The following DPP10 variants were observed in gnomAD, a reference collection of about 807,000 sequenced individuals.
The protein encoded by DPP10 is dipeptidyl peptidase like 10.
A neutral mutation model predicts 120.9 loss-of-function variants in DPP10; 33 were observed. The observed-to-expected ratio is 0.27, with a 90% confidence interval of 0.21 to 0.37. DPP10 has a LOEUF of 0.37. Ranked by LOEUF, DPP10 falls within the 10% of genes least tolerant of loss-of-function variation. DPP10 has a pLI of 1.00. For synonymous variants in DPP10, 337 were observed against 326.1 expected (o/e 1.03, Z -0.36); for missense variants, 816 against 942.8 (o/e 0.87, Z 1.76).
intron 1 of DPP10, among the ~76,000 whole-genome samples, chr2:115,151,197 T>G (rs563138107): frequency 6.6e-6 from 1 of 152,246 alleles, no homozygotes; most frequent in African/African-American, 2.4e-5. Flanking sequence ...TTTTTCTCTC[T>G]AAGATAAAGT....
intron 1 of DPP10, among the ~76,000 whole-genome samples, chr2:115,153,118 G>A (rs1411803961): frequency 6.6e-6 from 1 of 152,066 alleles, no homozygotes; most frequent in African/African-American, 2.4e-5. Flanking sequence ...TGTTCCAGAG[G>A]AAGACATTAT....
chr2:115,411,862 G>A (rs1343610689), intron 3 of DPP10, among the ~76,000 whole-genome samples: 1 of 152,154 alleles, frequency 6.6e-6, no homozygotes, highest in South Asian at 2.1e-4. Flanking sequence ...TATGCTGTGT[G>A]GGGGTGGATG....
At chr2:114,609,106 C>T (rs985454544) in intron 1 of DPP10, among the ~76,000 whole-genome samples, 4 of 151,812 alleles carry the variant, frequency 2.6e-5, no homozygotes, top group Admixed American at 6.6e-5. Context: ...TTTGATGAAC[C>T]GTCACTTTCA....
At chr2:115,260,367 CTACTTTT>C (rs1472091352) in intron 1 of DPP10, among the ~76,000 whole-genome samples, 1 of 151,940 alleles carries the variant, frequency 6.6e-6, no homozygotes, top group African/African-American at 2.4e-5. Flanking sequence ...TTTTTGTGTG[CTACTTTT>C]TACTATTCCT....
intron 4 of DPP10, among the ~76,000 whole-genome samples, chr2:115,511,467 C>T (rs2077219738): frequency 6.6e-6 from 1 of 151,774 alleles, no homozygotes; most frequent in African/African-American, 2.4e-5. Context: ...TTTTCTCATC[C>T]ATCTATCTAG....
At chr2:114,900,283 TG>T (rs1225647175) in intron 1 of DPP10, among the ~76,000 whole-genome samples, 2 of 152,250 alleles carry the variant, frequency 1.3e-5, no homozygotes, top group African/African-American at 4.8e-5. Context: ...AGTGGTCATG[TG>T]CACATCTGCT....
At chr2:115,516,577 T>G (rs372795162) in intron 4 of DPP10, among the ~76,000 whole-genome samples, 7 of 146,298 alleles carry the variant, frequency 4.8e-5, no homozygotes, top group African/African-American at 1.6e-4. Flanking sequence ...ATTCTTTGTT[T>G]TTTTTTTTTT....
intron 1 of DPP10, among the ~76,000 whole-genome samples, chr2:115,252,020 T>G (rs779618302): frequency 6.6e-6 from 1 of 152,160 alleles, no homozygotes; most frequent in African/African-American, 2.4e-5. Context: ...TGCCTATCAG[T>G]TTTGTATTCT....
At chr2:115,770,296 C>G (rs1192108994) in intron 13 of DPP10, among the ~76,000 whole-genome samples, 2 of 152,022 alleles carry the variant, frequency 1.3e-5, no homozygotes, top group Non-Finnish European at 2.9e-5. Flanking sequence ...CCTTCTGTTT[C>G]TCAGTCAAAC....
At chr2:114,559,373 C>T (rs868859803) in intron 1 of DPP10, among the ~76,000 whole-genome samples, 1 of 152,106 alleles carries the variant, frequency 6.6e-6, no homozygotes, top group Non-Finnish European at 1.5e-5. Context: ...TGAACAACCC[C>T]TAGAAGTCAG....
intron 3 of DPP10, among the ~76,000 whole-genome samples, chr2:115,349,877 A>G (rs575418830): frequency 6.6e-4 from 100 of 152,178 alleles, no homozygotes; most frequent in Admixed American, 2.4e-3. Flanking sequence ...CTCCAAAGAC[A>G]TCATTACCCT....
intron 5 of DPP10, among the ~76,000 whole-genome samples, chr2:115,653,367 T>C (rs1466291031): frequency 6.6e-6 from 1 of 151,970 alleles, no homozygotes; most frequent in Non-Finnish European, 1.5e-5. Context: ...AACGCTAGCA[T>C]TTTATATTTT....
chr2:115,670,159 C>A (rs956472586), intron 5 of DPP10, among the ~76,000 whole-genome samples: 2 of 151,976 alleles, frequency 1.3e-5, no homozygotes, highest in Non-Finnish European at 2.9e-5. Context: ...CTTATAAGGG[C>A]ACTAATCCCA....
intron 1 of DPP10, among the ~76,000 whole-genome samples, chr2:115,211,406 A>G (rs1225954383): frequency 6.6e-6 from 1 of 152,152 alleles, no homozygotes; most frequent in African/African-American, 2.4e-5. Flanking sequence ...GGAAGGCCTG[A>G]ATAAATTGCC....
At chr2:115,379,411 T>C (rs1301334672) in intron 3 of DPP10, among the ~76,000 whole-genome samples, 1 of 152,172 alleles carries the variant, frequency 6.6e-6, no homozygotes, top group Non-Finnish European at 1.5e-5. Context: ...CCCTTTATCA[T>C]TTTTTATTGC....
chr2:115,534,765 AG>A (rs2078699914), intron 5 of DPP10, among the ~76,000 whole-genome samples: 1 of 150,520 alleles, frequency 6.6e-6, no homozygotes, highest in Non-Finnish European at 1.5e-5. Flanking sequence ...CATCCTCTCC[AG>A]CACCTGTTGT....
chr2:114,464,582 G>A (rs576540646), intron 1 of DPP10, among the ~76,000 whole-genome samples: 1 of 152,314 alleles, frequency 6.6e-6, no homozygotes, highest in African/African-American at 2.4e-5. Context: ...GTCCTTCACA[G>A]AACAAAGGTT....
chr2:115,823,310 T>G (rs574430429), intron 21 of DPP10, among the ~76,000 whole-genome samples: 1 of 152,292 alleles, frequency 6.6e-6, no homozygotes, highest in East Asian at 1.9e-4. Flanking sequence ...GCTCAAATTT[T>G]TAGTCAATAT....
At chr2:115,437,414 T>C (rs1209115869) in intron 3 of DPP10, among the ~76,000 whole-genome samples, 1 of 152,010 alleles carries the variant, frequency 6.6e-6, no homozygotes, top group African/African-American at 2.4e-5. Flanking sequence ...GCCATTCAAA[T>C]CACTACACAG....
Sources: gnomAD v4.1 joint callset for allele counts (sites outside exome capture counted in the v4.1 genomes callset) on GRCh38, gnomAD v4.1.1 for gene constraint, MANE v1.5 for transcripts, NCBI Gene and HGNC (gene_info 2026-07-23, HGNC 2026-07-21) for gene names.